CATIP: variants seen among roughly 807,000 people sequenced by gnomAD.
CATIP encodes ciliogenesis associated TTC17 interacting protein.
In CATIP, 40 loss-of-function variants were observed where a neutral mutation model predicts 42.5. The observed-to-expected ratio is 0.94, with a 90% CI of 0.73 to 1.22. CATIP has a LOEUF of 1.22. Among genes scored for constraint, CATIP ranks in the 50% most tolerant of loss-of-function variants. The pLI, the probability that CATIP is intolerant of heterozygous loss-of-function variation, is 0.00. For synonymous variants in CATIP, 222 were observed against 200.2 expected, an observed-to-expected ratio of 1.11 and a Z score of -0.92; for missense variants, 489 against 496.0, an observed-to-expected ratio of 0.99 and a Z score of 0.13.
intron 7 of CATIP, 104 bp from the exon 8 acceptor site, chr2:218,366,920 C>T: frequency 2.3e-6 from 2 of 864,824 alleles, no homozygotes; most frequent in Non-Finnish European, 1.9e-6. Context: ...CTCCCCAAAG[C>T]CCCTACCTCC....
chr2:218,358,896 A>G (rs11691630), intron 4 of CATIP, among the ~76,000 whole-genome samples: 13,355 of 150,398 alleles, frequency 0.089, 647 homozygotes, highest in Non-Finnish European at 0.11. Flanking sequence ...AAAAAAAAAA[A>G]AAAGAAAAAA....
intron 7 of CATIP, among the ~76,000 whole-genome samples, chr2:218,365,133 G>T (rs1389288235): frequency 6.6e-6 from 1 of 152,144 alleles, no homozygotes; most frequent in Non-Finnish European, 1.5e-5. Flanking sequence ...GAAAATTCAG[G>T]GCTGGGCGTG....
At chr2:218,357,888 G>A in intron 3 of CATIP, 149 bp from the exon 4 acceptor site, 3 of 1,064,694 alleles carry the variant, frequency 2.8e-6, no homozygotes, top group Non-Finnish European at 4.4e-6. Flanking sequence ...AGTTCCTCAT[G>A]GACTCGGGAT....
chr2:218,367,576 T>A (rs923606790), intron 9 of CATIP, 58 bp downstream of exon 9: 1 of 1,603,364 alleles, frequency 6.2e-7, no homozygotes, highest in African/African-American at 1.3e-5. Context: ...TTAAATTCAT[T>A]ACTGATCTCT....
At chr2:218,362,940 G>A (rs760828866) in intron 6 of CATIP, 38 bp downstream of exon 6, 7 of 1,580,860 alleles carry the variant, frequency 4.4e-6, no homozygotes, top group South Asian at 1.1e-5. Context: ...TGGCTTGGGA[G>A]CGAACTAGAA....
chr2:218,364,253 C>T (rs191488051), intron 6 of CATIP, among the ~76,000 whole-genome samples: 1 of 152,330 alleles, frequency 6.6e-6, no homozygotes, highest in Admixed American at 6.5e-5. Context: ...CTGCCAGCAA[C>T]AGCACAGGTC....
At chr2:218,357,463 A>T in intron 2 of CATIP, 71 bp from the exon 3 acceptor site, 1 of 1,318,240 alleles carries the variant, frequency 7.6e-7, no homozygotes, top group Non-Finnish European at 1.1e-6. Context: ...ACTGGTGGTC[A>T]TGGGGTCAGA....
intron 9 of CATIP, 86 bp from the exon 10 acceptor site, chr2:218,367,636 C>G (rs1040650246): frequency 6.3e-7 from 1 of 1,588,566 alleles, no homozygotes; most frequent in Admixed American, 1.8e-5. Flanking sequence ...TCCAGCGCCC[C>G]TTAGCTCTCC....
At chr2:218,357,873 G>A in intron 3 of CATIP, 139 bp downstream of exon 3, 2 of 1,091,348 alleles carry the variant, frequency 1.8e-6, no homozygotes, top group Non-Finnish European at 2.8e-6. Flanking sequence ...GGAGAGGGAT[G>A]AGCGAGTTCC....
chr2:218,368,065 GAATA>G lies in CATIP; in HGVS notation c.*105_*108del. ...CGCTTTCCGGGCTGCGGTTTTGGGG[GAATA>G]AATGGGGCCCTCCCGCTTCTCTGCA... On this transcript the variant is annotated 3_prime_UTR_variant, in exon 10 of 10. Coordinates refer to ENST00000289388, the MANE Select transcript of CATIP (RefSeq NM_198559.2). 7.5e-7 allele frequency: 1 copy of G among 1,330,642 alleles called. No individual in the cohort carries two copies. Among genetic ancestry groups the G allele is most frequent in the Non-Finnish European group, 9.9e-7 (1 of 1,010,582 alleles). 82.4% of individuals were successfully genotyped at this position (1,330,642 alleles called of 1,614,324 possible).
In CATIP at chr2:218,367,733, G is replaced by T; in HGVS notation, c.933G>T (p.Arg311=). The T allele has an allele frequency of 6.3e-7, 1 of 1,599,228 alleles. No homozygotes were observed. The highest frequency in any genetic ancestry group is 8.5e-7 in the Non-Finnish European group (1 of 1,176,038). Residue 311 remains arginine (R), a synonymous_variant, in exon 10 of 10, where the codon CGG becomes CGT. Coordinates refer to ENST00000289388, the MANE Select transcript of CATIP (RefSeq NM_198559.2). The stretch of plus-strand genomic sequence containing the variant: ...CTGTCCCCTGCCAGGAGGAGCTCCG[G>T]CTCGGCCACGCCAGCTATCTGCGGC... ...SKFLDRKEEL[R]LGHASYLRQH...
At chr2:218,358,626 C>T (rs1695122482) in intron 4 of CATIP, among the ~76,000 whole-genome samples, 1 of 152,024 alleles carries the variant, frequency 6.6e-6, no homozygotes, top group African/African-American at 2.4e-5. Flanking sequence ...AATCCCAGCA[C>T]TTTGGGAGGC....
At chr2:218,361,090 C>G (rs1467335482) in intron 5 of CATIP, among the ~76,000 whole-genome samples, 4 of 152,164 alleles carry the variant, frequency 2.6e-5, no homozygotes, top group Admixed American at 2.6e-4. Flanking sequence ...CTCAGCCTCC[C>G]AAAGTGCTGG....
rs528488321 is a variant in CATIP at position 218,368,065 on chromosome 2, G to A, written c.*101G>A. 820 of 1,330,638 alleles carry A rather than the reference G, an allele frequency of 6.2e-4. No individual in the cohort carries two copies. The highest frequency in any genetic ancestry group is 7.7e-4 in the Non-Finnish European group (781 of 1,010,578). 82.4% of individuals were successfully genotyped at this position (1,330,638 alleles called of 1,614,324 possible). Reference sequence around the variant, plus strand: ...CGCTTTCCGGGCTGCGGTTTTGGGGGAATAAATGGGGCCCTCCCGCTTCTC... The same window carrying A: ...CGCTTTCCGGGCTGCGGTTTTGGGGAAATAAATGGGGCCCTCCCGCTTCTC... On this transcript the variant is annotated 3_prime_UTR_variant, in exon 10 of 10. Transcript: ENST00000289388.
Position 218,367,951 on chromosome 2 carries a change from C to G in CATIP, c.1151C>G (p.Ser384Trp). ...RSLEPEGDAR[S>W]GAA Reference sequence around the variant, plus strand: ...CTGGAGCCGGAGGGAGACGCCCGCTCGGGGGCGGCCTAAGCGGGGCCCAGG... The same window carrying G: ...CTGGAGCCGGAGGGAGACGCCCGCTGGGGGGCGGCCTAAGCGGGGCCCAGG... Residue 384 changes from serine (S) to tryptophan (W), a missense_variant, in exon 10 of 10, where the codon TCG (serine) becomes TGG (tryptophan). Coordinates refer to ENST00000289388, the MANE Select transcript of CATIP (RefSeq NM_198559.2). The G allele has an allele frequency of 6.3e-7, 1 of 1,587,306 alleles. No individual in the cohort carries two copies. Among genetic ancestry groups the G allele is most frequent in the Non-Finnish European group, 8.5e-7 (1 of 1,170,528 alleles).
chr2:218,360,918 C>T (rs937460865), intron 5 of CATIP, among the ~76,000 whole-genome samples: 11 of 151,190 alleles, frequency 7.3e-5, no homozygotes, highest in African/African-American at 1.9e-4. Context: ...GCAACCGCCA[C>T]CTCCCGGGTT....
chr2:218,367,918 T>A lies in CATIP; in HGVS notation c.1118T>A (p.Phe373Tyr). Residue 373 changes from phenylalanine to tyrosine, a missense_variant, in exon 10 of 10, where the codon TTC becomes TAC. Phe to Tyr is a conservative substitution (Grantham distance 22). Transcript: ENST00000289388. ...ALGSSHRPNP[F>Y]RSLEPEGDAR... ...GGCTCCTCCCACCGGCCCAACCCTT[T>A]CCGCTCCCTGGAGCCGGAGGGAGAC... 2.5e-6 allele frequency: 4 copies of A among 1,610,394 alleles called. No individual in the cohort carries two copies. The African/African-American group carries it at 5.3e-5, about 21-fold the overall frequency.
chr2:218,358,851 T>C (rs1326450478), intron 4 of CATIP, among the ~76,000 whole-genome samples: 3 of 138,746 alleles, frequency 2.2e-5, no homozygotes, highest in Non-Finnish European at 4.5e-5. Context: ...GCCACTGTAC[T>C]CCAGCCTGGG....
rs1695490923 is a variant in CATIP, at chr2:218,367,426, C to T, written c.833-4C>T. 1.2e-6 allele frequency: 2 copies of T among 1,613,854 alleles called. No individual in the cohort carries two copies. Among genetic ancestry groups the T allele is most frequent in the Non-Finnish European group, 1.7e-6 (2 of 1,179,856 alleles). ...ACGCCCAGCCTTCCTTGTTCCCCAC[C>T]TAGATGAGATTGAGCCACGCCCAGT... On this transcript the variant is annotated splice_polypyrimidine_tract_variant and splice_region_variant and intron_variant, in intron 8 of 9. Coordinates refer to ENST00000289388, the MANE Select transcript of CATIP (RefSeq NM_198559.2).
Sources: allele counts gnomAD v4.1 joint callset (sites outside exome capture counted in the v4.1 genomes callset), GRCh38; gene constraint gnomAD v4.1.1; transcripts MANE v1.5; gene names NCBI Gene and HGNC (gene_info 2026-07-23, HGNC 2026-07-21).